The following ANOS1 variants were observed in gnomAD, a reference collection of about 807,000 sequenced individuals.
ANOS1 encodes the protein anosmin-1.
A neutral mutation model predicts 59.0 loss-of-function variants in ANOS1; 6 were observed. That is an observed-to-expected ratio of 0.10 (90% CI 0.06 to 0.20). ANOS1 has a LOEUF of 0.20. ANOS1 is among the 10% of genes least tolerant of loss of function. The probability of loss-of-function intolerance (pLI) is 1.00; values close to 1 mark genes in which losing one functional copy is unlikely to be tolerated. For synonymous variants in ANOS1, 217 were observed against 223.4 expected (o/e 0.97, Z 0.25); for missense variants, 433 against 542.3 (o/e 0.80, Z 2.00).
intron 1 of ANOS1, 54 bp downstream of exon 1, chrX:8,731,776 G>A: frequency 8.7e-7 from 1 of 1,152,432 alleles, no homozygotes; most frequent in Non-Finnish European, 1.2e-6. Flanking sequence ...GCCCCGGTGC[G>A]CCCACGCCGC....
chrX:8,581,186 G>T (rs1272681354), intron 6 of ANOS1, among the ~76,000 whole-genome samples: 6 of 111,067 alleles, frequency 5.4e-5, no homozygotes, highest in Non-Finnish European at 1.1e-4. Flanking sequence ...GGACCCAGGG[G>T]GAGGTAATTG....
At chrX:8,685,020 A>C (rs780252755) in intron 2 of ANOS1, among the ~76,000 whole-genome samples, 4 of 110,799 alleles carry the variant, frequency 3.6e-5, no homozygotes, top group African/African-American at 6.6e-5. Flanking sequence ...TGCACAGTTC[A>C]GGGGTTGTCC....
At chrX:8,654,711 T>C (rs754784096) in intron 2 of ANOS1, among the ~76,000 whole-genome samples, 41 of 112,364 alleles carry the variant, frequency 3.6e-4, no homozygotes, top group African/African-American at 1.2e-3. Context: ...TTCACTGCTC[T>C]AGAATAGTCT....
chrX:8,611,145 A>C lies in ANOS1; in HGVS notation c.318+12463T>G, dbSNP rs888661214. Among the ~76,000 whole-genome samples the C allele has an allele frequency of 4.5e-5, 5 of 111,437 alleles. No individual in the cohort carries two copies. The South Asian group carries it at 1.9e-3, about 41-fold the overall frequency. ...AGCTACAGAACAGAGCTGCATAGAA[A>C]TTCCAGAAGTAAAAAGGAAGAAATG... On this transcript the variant is annotated intron_variant, in intron 3 of 13. Coordinates refer to ENST00000262648, the MANE Select transcript of ANOS1 (RefSeq NM_000216.4).
chrX:8,557,673 C>T (rs1929970150), intron 8 of ANOS1, among the ~76,000 whole-genome samples: 1 of 111,928 alleles, frequency 8.9e-6, no homozygotes. Context: ...AGTCAGGAAA[C>T]AACAGATGCT....
At chrX:8,587,570 T>C (rs1471381546) in intron 5 of ANOS1, among the ~76,000 whole-genome samples, 1 of 112,089 alleles carries the variant, frequency 8.9e-6, no homozygotes, top group Non-Finnish European at 1.9e-5. Context: ...CCCTTCCATG[T>C]GTATTTGAAC....
intron 4 of ANOS1, among the ~76,000 whole-genome samples, chrX:8,588,283 G>A (rs1249752798): frequency 9.0e-6 from 1 of 110,954 alleles, no homozygotes; most frequent in African/African-American, 3.3e-5. Flanking sequence ...CATTTCATGT[G>A]CATTCTTTTC....
chrX:8,695,749 A>G (rs1932676513), intron 2 of ANOS1, among the ~76,000 whole-genome samples: 1 of 110,993 alleles, frequency 9.0e-6, no homozygotes, highest in Non-Finnish European at 1.9e-5. Flanking sequence ...CAACCACTAA[A>G]TTGAGCAGGA....
intron 3 of ANOS1, among the ~76,000 whole-genome samples, chrX:8,602,555 T>C (rs1930862867): frequency 9.0e-6 from 1 of 111,630 alleles, no homozygotes; most frequent in Admixed American, 9.5e-5. Flanking sequence ...ATCAATTTTA[T>C]GGTCAATAAA....
intron 1 of ANOS1, among the ~76,000 whole-genome samples, chrX:8,726,227 T>A (rs1298110567): frequency 9.0e-6 from 1 of 111,367 alleles, no homozygotes; most frequent in African/African-American, 3.3e-5. Context: ...GCTGGCCCTC[T>A]AAGTGGAATG....
At chrX:8,581,838 G>A (rs1021369465) in intron 6 of ANOS1, among the ~76,000 whole-genome samples, 1 of 112,136 alleles carries the variant, frequency 8.9e-6, no homozygotes, top group Non-Finnish European at 1.9e-5. Flanking sequence ...TATTTACTGT[G>A]TTGTGTAACT....
chrX:8,647,779 T>C (rs1011928790), intron 2 of ANOS1, among the ~76,000 whole-genome samples: 7 of 111,908 alleles, frequency 6.3e-5, no homozygotes, highest in Non-Finnish European at 7.5e-5. Flanking sequence ...AGAAAAGACC[T>C]GGGACTTCAT....
intron 3 of ANOS1, among the ~76,000 whole-genome samples, chrX:8,611,375 T>C (rs12840221): frequency 0.37 from 40,092 of 107,320 alleles, 5,737 homozygotes; most frequent in South Asian, 0.42. Context: ...TGGTCTAATG[T>C]GTGTAATTAG....
chrX:8,603,155 T>C (rs1054073486), intron 3 of ANOS1, among the ~76,000 whole-genome samples: 2 of 112,228 alleles, frequency 1.8e-5, no homozygotes, highest in Non-Finnish European at 3.8e-5. Context: ...TAAGAAAGAA[T>C]TAGTCTGCAA....
At chrX:8,657,710 G>A (rs1002333949) in intron 2 of ANOS1, among the ~76,000 whole-genome samples, 7 of 110,547 alleles carry the variant, frequency 6.3e-5, no homozygotes, top group Non-Finnish European at 1.1e-4. Flanking sequence ...CTTGTGATCC[G>A]CCTGCCTCAG....
rs1390662064 is a variant in ANOS1, at chrX:8,572,974, A to G, written c.857-2270T>C. Among the ~76,000 whole-genome samples, 3 of 110,622 alleles carry G rather than the reference A, an allele frequency of 2.7e-5. No individual in the cohort carries two copies. In the East Asian group the frequency reaches 8.5e-4, roughly 31 times the overall value. ...GAGCCATGTGAGGACTCCCCCAGTC[A>G]TCAATATTCACAACACTGCTGATCA... is the stretch of plus-strand genomic sequence containing the variant. On this transcript the variant is annotated intron_variant, in intron 6 of 13. Transcript: ENST00000262648.
intron 2 of ANOS1, among the ~76,000 whole-genome samples, chrX:8,659,511 T>C (rs1931993111): frequency 9.5e-6 from 1 of 105,526 alleles, no homozygotes; most frequent in African/African-American, 3.5e-5. Flanking sequence ...CCCTCCCTGC[T>C]TGCTTGCTTT....
chrX:8,672,102 C>A (rs1317153992), intron 2 of ANOS1, among the ~76,000 whole-genome samples: 2 of 111,157 alleles, frequency 1.8e-5, no homozygotes, highest in African/African-American at 6.6e-5. Flanking sequence ...ATTAAAAAAT[C>A]TCTTCCTGGA....
At chrX:8,642,312 T>A (rs924623453) in intron 2 of ANOS1, among the ~76,000 whole-genome samples, 1 of 111,366 alleles carries the variant, frequency 9.0e-6, no homozygotes, top group African/African-American at 3.3e-5. Context: ...CTAGAATGAG[T>A]CAATCTATGT....
Sources: allele counts gnomAD v4.1 joint callset (sites outside exome capture counted in the v4.1 genomes callset), GRCh38; gene constraint gnomAD v4.1.1; transcripts MANE v1.5; gene names NCBI Gene and HGNC (gene_info 2026-07-23, HGNC 2026-07-21).